The following PTPRM variants were observed in gnomAD, a reference collection of about 807,000 sequenced individuals.
PTPRM encodes protein tyrosine phosphatase receptor type M.
In PTPRM, 47 loss-of-function variants were observed where a neutral mutation model predicts 186.7. The observed-to-expected ratio is 0.25, with a 90% CI of 0.20 to 0.32. The LOEUF is 0.32. Among genes scored for constraint, PTPRM ranks in the 10% least tolerant of loss-of-function variants. The pLI, the probability that PTPRM is intolerant of heterozygous loss-of-function variation, is 1.00. For synonymous variants in PTPRM, 668 were observed against 674.9 expected, an observed-to-expected ratio of 0.99 and a Z score of 0.16; for missense variants, 1,494 against 1,865.0, an observed-to-expected ratio of 0.80 and a Z score of 3.66.
intron 2 of PTPRM, among the ~76,000 whole-genome samples, chr18:7,870,434 C>A (rs2047925661): frequency 6.6e-6 from 1 of 152,044 alleles, no homozygotes; most frequent in African/African-American, 2.4e-5. Flanking sequence ...GTGTAGATAC[C>A]AGATAACATA....
chr18:7,687,817 C>T (rs887801457), intron 1 of PTPRM, among the ~76,000 whole-genome samples: 3 of 148,300 alleles, frequency 2.0e-5, no homozygotes, highest in African/African-American at 7.5e-5. Context: ...CTCACTGTGT[C>T]ACCAGACTGG....
At chr18:8,192,478 G>A (rs564194477) in intron 14 of PTPRM, among the ~76,000 whole-genome samples, 24 of 152,238 alleles carry the variant, frequency 1.6e-4, no homozygotes, top group South Asian at 6.2e-4. Flanking sequence ...AAGAACACAA[G>A]AGCCTGCATG....
intron 1 of PTPRM, among the ~76,000 whole-genome samples, chr18:7,679,077 A>G (rs1008644389): frequency 1.3e-5 from 2 of 152,318 alleles, no homozygotes; most frequent in Admixed American, 6.5e-5. Context: ...TTTCTAATCT[A>G]TCAGGTAAAA....
intron 1 of PTPRM, among the ~76,000 whole-genome samples, chr18:7,600,259 G>A (rs1206749617): frequency 1.3e-5 from 2 of 152,142 alleles, no homozygotes; most frequent in Non-Finnish European, 2.9e-5. Flanking sequence ...ATAAACATCC[G>A]GGGCTGAGAA....
chr18:7,964,517 T>A (rs2147214597), intron 7 of PTPRM, among the ~76,000 whole-genome samples: 1 of 152,332 alleles, frequency 6.6e-6, no homozygotes, highest in Non-Finnish European at 1.5e-5. Flanking sequence ...CTGGGAAAAT[T>A]ACATATGCTA....
At chr18:8,046,541 G>A (rs367557003) in intron 7 of PTPRM, among the ~76,000 whole-genome samples, 1 of 152,268 alleles carries the variant, frequency 6.6e-6, no homozygotes, top group African/African-American at 2.4e-5. Flanking sequence ...CCAACTTGCA[G>A]CAGGGGAGGG....
At chr18:8,250,739 T>C (rs1356233327) in intron 17 of PTPRM, among the ~76,000 whole-genome samples, 2 of 150,324 alleles carry the variant, frequency 1.3e-5, no homozygotes, top group Non-Finnish European at 2.9e-5. Context: ...CAGTGAGCTA[T>C]GATAGAGCCA....
intron 1 of PTPRM, among the ~76,000 whole-genome samples, chr18:7,719,204 C>T (rs933527091): frequency 6.6e-6 from 1 of 152,164 alleles, no homozygotes; most frequent in African/African-American, 2.4e-5. Context: ...ACTGGGAATA[C>T]AACTCAGCCA....
At chr18:7,759,721 T>C (rs537535087) in intron 1 of PTPRM, among the ~76,000 whole-genome samples, 1 of 152,268 alleles carries the variant, frequency 6.6e-6, no homozygotes, top group Admixed American at 6.5e-5. Flanking sequence ...TTTTTTGGAG[T>C]AGCTGTGGTT....
At chr18:7,674,209 T>C (rs2039282718) in intron 1 of PTPRM, among the ~76,000 whole-genome samples, 1 of 152,172 alleles carries the variant, frequency 6.6e-6, no homozygotes, top group Non-Finnish European at 1.5e-5. Flanking sequence ...GAAGGATTCC[T>C]ATGTCATCGG....
At chr18:7,812,429 TG>T (rs1473713005) in intron 2 of PTPRM, among the ~76,000 whole-genome samples, 9 of 152,200 alleles carry the variant, frequency 5.9e-5, no homozygotes, top group African/African-American at 2.2e-4. Context: ...CATTCACATT[TG>T]TGGGACTGAT....
chr18:7,654,333 G>A (rs2038797347), intron 1 of PTPRM, among the ~76,000 whole-genome samples: 1 of 152,068 alleles, frequency 6.6e-6, no homozygotes, highest in Admixed American at 6.6e-5. Flanking sequence ...ACTTGTGCTG[G>A]AGGTTACAAA....
At chr18:8,015,491 T>G (rs954752243) in intron 7 of PTPRM, among the ~76,000 whole-genome samples, 2 of 152,222 alleles carry the variant, frequency 1.3e-5, no homozygotes, top group African/African-American at 4.8e-5. Flanking sequence ...AAGAGAATGT[T>G]GCTAACTCTG....
chr18:8,208,930 C>T lies in PTPRM; in HGVS notation c.2301-35128C>T, dbSNP rs79848689. 1.5e-3 allele frequency among the ~76,000 whole-genome samples: 225 copies of T among 152,250 alleles called. 2 individuals are homozygous for T. In the East Asian group the frequency reaches 0.036, roughly 24 times the overall value. ...GTGCATGCAGGAGAGCATAAGCATGCGTGCTCTGGGAGGGGACAGCAAGGA... is the reference window on the plus strand; with the variant it reads ...GTGCATGCAGGAGAGCATAAGCATGTGTGCTCTGGGAGGGGACAGCAAGGA... On this transcript the variant is annotated intron_variant, in intron 14 of 32. Transcript: ENST00000580170.
At chr18:7,859,211 A>G (rs2047229692) in intron 2 of PTPRM, among the ~76,000 whole-genome samples, 3 of 152,216 alleles carry the variant, frequency 2.0e-5, no homozygotes, top group Non-Finnish European at 4.4e-5. Context: ...ATAGATATAT[A>G]TGATAAATAT....
At chr18:7,869,825 A>G (rs947146683) in intron 2 of PTPRM, among the ~76,000 whole-genome samples, 8 of 152,268 alleles carry the variant, frequency 5.3e-5, no homozygotes, top group Non-Finnish European at 7.4e-5. Context: ...TGGGGCGTGG[A>G]TATCAGCTCA....
chr18:8,176,279 A>G (rs1413585950), intron 14 of PTPRM, among the ~76,000 whole-genome samples: 1 of 152,184 alleles, frequency 6.6e-6, no homozygotes, highest in African/African-American at 2.4e-5. Flanking sequence ...GCTAACAAAG[A>G]AGGCTGTGTA....
chr18:8,121,440 C>A (rs1036976931), intron 13 of PTPRM, among the ~76,000 whole-genome samples: 3 of 152,032 alleles, frequency 2.0e-5, no homozygotes, highest in Non-Finnish European at 2.9e-5. Context: ...TTTTAATTTT[C>A]TATTTTTTTT....
At chr18:7,958,324 T>C (rs1311346049) in intron 7 of PTPRM, among the ~76,000 whole-genome samples, 2 of 152,142 alleles carry the variant, frequency 1.3e-5, no homozygotes, top group Non-Finnish European at 2.9e-5. Context: ...TTCTCATAAT[T>C]CTCACATTTA....
Sources: gnomAD v4.1 joint callset for allele counts (sites outside exome capture counted in the v4.1 genomes callset) on GRCh38, gnomAD v4.1.1 for gene constraint, MANE v1.5 for transcripts, NCBI Gene and HGNC (gene_info 2026-07-23, HGNC 2026-07-21) for gene names.